ABCA13: variants seen among roughly 807,000 people sequenced by gnomAD.
ABCA13 encodes ATP-binding cassette sub-family A member 13.
ABCA13 carries 476 observed loss-of-function variants against 478.7 expected under a neutral mutation model. That is an observed-to-expected ratio of 0.99 (90% CI 0.92 to 1.07). ABCA13 has a LOEUF of 1.07. Ranked by LOEUF, ABCA13 falls within the 50% of genes least tolerant of loss-of-function variation. The pLI, the probability that ABCA13 is intolerant of heterozygous loss-of-function variation, is 0.00. For synonymous variants in ABCA13, 2,252 were observed against 2,158.9 expected (o/e 1.04, Z -1.20); for missense variants, 6,060 against 5,910.6 (o/e 1.03, Z -0.83).
chr7:48,341,569 A>T (rs909212331), intron 29 of ABCA13, among the ~76,000 whole-genome samples: 2 of 151,850 alleles, frequency 1.3e-5, no homozygotes, highest in Middle Eastern at 3.4e-3. Context: ...ATTACCAATA[A>T]TTTTGCATCT....
intron 29 of ABCA13, among the ~76,000 whole-genome samples, chr7:48,345,315 T>A (rs1354256173): frequency 2.0e-5 from 3 of 152,180 alleles, no homozygotes; most frequent in Admixed American, 1.3e-4. Flanking sequence ...ATGAGTTAAG[T>A]GTAAAGCAGC....
intron 41 of ABCA13, among the ~76,000 whole-genome samples, chr7:48,422,055 CAAAAAA>C (rs4022355): frequency 3.1e-4 from 25 of 80,564 alleles, no homozygotes; most frequent in Middle Eastern, 9.8e-3. Flanking sequence ...GTCTTTCTTA[CAAAAAA>C]AAAAAAAAAA....
intron 8 of ABCA13, 88 bp from the exon 9 acceptor site, chr7:48,239,153 C>A: frequency 7.2e-7 from 1 of 1,394,588 alleles, no homozygotes; most frequent in Non-Finnish European, 9.9e-7. Flanking sequence ...AGAACTTTTA[C>A]TGTGGCAAGA....
chr7:48,331,071 T>A (rs746775762), intron 27 of ABCA13, among the ~76,000 whole-genome samples: 26 of 152,198 alleles, frequency 1.7e-4, no homozygotes, highest in Non-Finnish European at 7.3e-5. Context: ...AAGAGGGTGA[T>A]ATAACTAAGA....
At chr7:48,314,881 CACG>C (rs1802335053) in intron 26 of ABCA13, among the ~76,000 whole-genome samples, 4 of 152,066 alleles carry the variant, frequency 2.6e-5, no homozygotes, top group Non-Finnish European at 4.4e-5. Context: ...ATGAATATGC[CACG>C]ATAGGTACAA....
intron 27 of ABCA13, 45 bp downstream of exon 27, chr7:48,317,341 A>C: frequency 1.3e-6 from 2 of 1,558,352 alleles, no homozygotes; most frequent in Non-Finnish European, 1.7e-6. Context: ...ACATACACTA[A>C]ATCAGGAAGG....
At chr7:48,520,743 C>T (rs1832489230) in intron 53 of ABCA13, among the ~76,000 whole-genome samples, 3 of 152,190 alleles carry the variant, frequency 2.0e-5, no homozygotes, top group African/African-American at 7.2e-5. Context: ...TGATGTTCCC[C>T]TTCCTGTGTC....
chr7:48,392,072 T>C lies in ABCA13; in HGVS notation c.11806T>C (p.Leu3936=). Residue 3936 remains leucine, a synonymous_variant, in exon 38 of 62, where the codon TTG becomes CTG. Coordinates refer to ENST00000435803, the MANE Select transcript of ABCA13 (RefSeq NM_152701.5). ...LLDNLTVREH[L]LLFASIKAPQ... ...GGACAACCTCACCGTCCGGGAACAT[T>C]TGCTGCTCTTTGCTTCCATAAAGGC... 6.2e-7 allele frequency: 1 copy of C among 1,613,918 alleles called. No homozygotes were observed. The highest frequency in any genetic ancestry group is 8.5e-7 in the Non-Finnish European group (1 of 1,179,854).
chr7:48,445,869 A>G (rs755765752), intron 42 of ABCA13, among the ~76,000 whole-genome samples: 5 of 152,128 alleles, frequency 3.3e-5, no homozygotes, highest in Admixed American at 6.5e-5. Context: ...GACCAGCTGA[A>G]TGAGAAGGGA....
intron 3 of ABCA13, among the ~76,000 whole-genome samples, chr7:48,218,264 T>A (rs911508554): frequency 6.6e-5 from 10 of 152,134 alleles, no homozygotes; most frequent in African/African-American, 2.4e-4. Context: ...GGCAGGAGAG[T>A]TTGAATCATG....
intron 39 of ABCA13, among the ~76,000 whole-genome samples, chr7:48,406,874 A>G (rs1818330664): frequency 6.6e-6 from 1 of 151,808 alleles, no homozygotes; most frequent in African/African-American, 2.4e-5. Context: ...CTCCATCTCA[A>G]AAAATAAATA....
At chr7:48,432,056 A>G (rs35754209) in intron 42 of ABCA13, among the ~76,000 whole-genome samples, 41,768 of 152,034 alleles carry the variant, frequency 0.27, 5,893 homozygotes, top group East Asian at 0.37. Flanking sequence ...CGTTGTGCAC[A>G]TGTACCCTAG....
At chr7:48,592,591 A>G (rs960556488) in intron 57 of ABCA13, among the ~76,000 whole-genome samples, 1 of 151,902 alleles carries the variant, frequency 6.6e-6, no homozygotes, top group African/African-American at 2.4e-5. Context: ...TGTTAGGTCC[A>G]TTTGGTCTAA....
At chr7:48,483,245 G>C in intron 47 of ABCA13, 82 bp downstream of exon 47, 1 of 1,226,934 alleles carries the variant, frequency 8.2e-7, no homozygotes, top group South Asian at 1.4e-5. Context: ...TGAGCACAGG[G>C]TTCAGAAGGA....
At chr7:48,600,444 A>G (rs1007807148) in intron 58 of ABCA13, among the ~76,000 whole-genome samples, 5 of 151,870 alleles carry the variant, frequency 3.3e-5, no homozygotes, top group Non-Finnish European at 7.4e-5. Context: ...CTGAAGTAAC[A>G]TTGACTGTTT....
chr7:48,555,814 A>G (rs1785762618), intron 55 of ABCA13, among the ~76,000 whole-genome samples: 1 of 150,120 alleles, frequency 6.7e-6, no homozygotes, highest in African/African-American at 2.4e-5. Flanking sequence ...ACATTCATTT[A>G]TTTCTGTTTT....
chr7:48,562,277 T>A (rs116776194), intron 55 of ABCA13, among the ~76,000 whole-genome samples: 2,655 of 151,200 alleles, frequency 0.018, 79 homozygotes, highest in African/African-American at 0.062. Flanking sequence ...ATGTTATTAT[T>A]ATACTGCTTT....
chr7:48,645,562 T>C lies in ABCA13; in HGVS notation c.*50T>C. 6.9e-7 allele frequency: 1 copy of C among 1,459,290 alleles called. No individual in the cohort carries two copies. The highest frequency in any genetic ancestry group is 9.4e-7 in the Non-Finnish European group (1 of 1,065,112). The allele number at this position is 1,459,290 out of a possible 1,614,324, so 90.4% of individuals were successfully genotyped here. A position where few individuals can be genotyped will look rare whatever the true frequency, so the allele number is the denominator to read the frequency against. On this transcript the variant is annotated 3_prime_UTR_variant, in exon 62 of 62. Transcript: ENST00000435803. Reference sequence around the variant, plus strand: ...ATAAAACCTTGTCTTCCATTACAATTAACAGTCAAGGATAAAACAAGCACG... The same window carrying C: ...ATAAAACCTTGTCTTCCATTACAATCAACAGTCAAGGATAAAACAAGCACG...
chr7:48,569,850 G>GT (rs1162993567), intron 55 of ABCA13, among the ~76,000 whole-genome samples: 5 of 151,960 alleles, frequency 3.3e-5, no homozygotes, highest in African/African-American at 7.2e-5. Flanking sequence ...TTGTTTGTTT[G>GT]TTTTTTTAAT....
Sources: gnomAD v4.1 joint callset for allele counts (sites outside exome capture counted in the v4.1 genomes callset) on GRCh38, gnomAD v4.1.1 for gene constraint, MANE v1.5 for transcripts, NCBI Gene and HGNC (gene_info 2026-07-23, HGNC 2026-07-21) for gene names.